The following MINPP1 variants were observed in gnomAD, a reference collection of about 807,000 sequenced individuals.
MINPP1 encodes multiple inositol-polyphosphate phosphatase 1, also known as multiple inositol polyphosphate phosphatase 1.
Under a neutral mutation model 46.1 loss-of-function variants are expected in MINPP1, and 28 were observed. That is an observed-to-expected ratio of 0.61 (90% CI 0.45 to 0.83). MINPP1 has a LOEUF of 0.83. MINPP1 is among the 40% of genes least tolerant of loss of function. The pLI is 0.00. For missense variants in MINPP1, 603 were observed against 610.0 expected, an observed-to-expected ratio of 0.99 and a Z score of 0.12; for synonymous variants, 268 against 249.1, an observed-to-expected ratio of 1.08 and a Z score of -0.72.
intron 4 of MINPP1, among the ~76,000 whole-genome samples, chr10:87,536,595 C>G (rs774527299): frequency 6.6e-6 from 1 of 152,142 alleles, no homozygotes; most frequent in Non-Finnish European, 1.5e-5. Flanking sequence ...AACACTGATA[C>G]ACTTTCTGTC....
intron 2 of MINPP1, among the ~76,000 whole-genome samples, chr10:87,510,305 A>G (rs1231852285): frequency 6.6e-6 from 1 of 152,206 alleles, no homozygotes; most frequent in East Asian, 1.9e-4. Context: ...GTAACTTACT[A>G]TTTTTACTTA....
intron 4 of MINPP1, among the ~76,000 whole-genome samples, chr10:87,544,497 G>C (rs1055283486): frequency 6.6e-6 from 1 of 152,170 alleles, no homozygotes. Flanking sequence ...TGAGGGATGG[G>C]CTTGAAAATG....
intron 4 of MINPP1, among the ~76,000 whole-genome samples, chr10:87,523,190 A>G (rs1851527301): frequency 6.6e-6 from 1 of 152,120 alleles, no homozygotes; most frequent in African/African-American, 2.4e-5. Context: ...ACCTCCTCCC[A>G]TGAATTACAA....
At position 87,505,021 on chromosome 10, in the gene MINPP1, A is replaced by G; in HGVS notation, c.106A>G (p.Arg36Gly). The change falls in exon 1 of 5, where the codon AGG becomes GGG. Residue 36 changes from arginine (R) to glycine (G), a missense_variant. Coordinates refer to ENST00000371996, the MANE Select transcript of MINPP1 (RefSeq NM_004897.5). This position sits in a 1 kb window ranked among gnomAD's most constrained non-coding sequence, Gnocchi z 4.4. ...SLARCSLLEP[R>G]DPVASSLSPY... ...TGCGCGCTGCTCTCTTCTAGAGCCGAGGGACCCGGTGGCCTCGTCGCTCAG... is the reference window on the plus strand; with the variant it reads ...TGCGCGCTGCTCTCTTCTAGAGCCGGGGGACCCGGTGGCCTCGTCGCTCAG... The G allele has an allele frequency of 6.2e-7, 1 of 1,613,060 alleles. No homozygotes were observed.
At chr10:87,539,651 A>G (rs907052730) in intron 4 of MINPP1, among the ~76,000 whole-genome samples, 3 of 152,338 alleles carry the variant, frequency 2.0e-5, no homozygotes, top group Non-Finnish European at 4.4e-5. Context: ...ACATTGTAAT[A>G]TATAGCACGG....
chr10:87,542,003 C>G (rs980118487), intron 4 of MINPP1, among the ~76,000 whole-genome samples: 1 of 152,118 alleles, frequency 6.6e-6, no homozygotes, highest in East Asian at 1.9e-4. Flanking sequence ...TCTCATATCC[C>G]CACATTTCAA....
At chr10:87,543,063 T>C (rs1851838763) in intron 4 of MINPP1, among the ~76,000 whole-genome samples, 1 of 152,174 alleles carries the variant, frequency 6.6e-6, no homozygotes, top group Non-Finnish European at 1.5e-5. Flanking sequence ...AGTGAGGATG[T>C]TATTGGGAAC....
chr10:87,515,868 G>T (rs749002974), intron 3 of MINPP1, among the ~76,000 whole-genome samples: 1 of 123,588 alleles, frequency 8.1e-6, no homozygotes, highest in African/African-American at 3.1e-5. Context: ...TTCCTCTGTC[G>T]CCCAGGCTGG....
chr10:87,524,234 A>G lies in MINPP1; in HGVS notation c.1067+3065A>G, dbSNP rs550850213. The stretch of plus-strand genomic sequence containing the variant: ...TTCTACATCAGGACTTGCTGCTTCA[A>G]CTTACATTTTTGTGTTATGGAGATA... On this transcript the variant is annotated intron_variant, in intron 4 of 4. Coordinates refer to ENST00000371996, the MANE Select transcript of MINPP1 (RefSeq NM_004897.5). Among the ~76,000 whole-genome samples, 5 of 152,314 alleles carry G rather than the reference A, an allele frequency of 3.3e-5. No individual in the cohort carries two copies. In the South Asian group the frequency reaches 1.0e-3, roughly 32 times the overall value.
In MINPP1 at chr10:87,505,069, C is replaced by G. The variant is rs757948877; in HGVS notation, c.154C>G (p.Arg52Gly). The change falls in exon 1 of 5, where the codon CGC becomes GGC. Residue 52 changes from arginine (R) to glycine (G), a missense_variant. Arg to Gly is a moderately radical substitution (Grantham distance 125). This residue lies in a region of MINPP1 where 239 missense variants were observed against 189.4 expected (regional missense o/e 1.26). Coordinates refer to ENST00000371996, the MANE Select transcript of MINPP1 (RefSeq NM_004897.5). This position sits in a 1 kb window ranked among gnomAD's most constrained non-coding sequence, Gnocchi z 4.4. ...CAGCCCCTATTTCGGCACCAAGACTCGCTACGAGGATGTCAACCCCGTGCT... is the reference window on the plus strand; with the variant it reads ...CAGCCCCTATTTCGGCACCAAGACTGGCTACGAGGATGTCAACCCCGTGCT... Reference protein sequence around the residue: ...SLSPYFGTKTRYEDVNPVLLS... With the variant: ...SLSPYFGTKTGYEDVNPVLLS... 1 of 1,613,466 alleles carries G rather than the reference C, an allele frequency of 6.2e-7. No individual in the cohort carries two copies.
intron 4 of MINPP1, among the ~76,000 whole-genome samples, chr10:87,542,741 C>T (rs1851833801): frequency 6.6e-6 from 1 of 152,230 alleles, no homozygotes; most frequent in South Asian, 2.1e-4. Context: ...GTACAGCCTG[C>T]AGAACCGTAA....
At chr10:87,547,158 C>G (rs1461493880) in intron 4 of MINPP1, among the ~76,000 whole-genome samples, 2 of 152,108 alleles carry the variant, frequency 1.3e-5, no homozygotes, top group African/African-American at 4.8e-5. Context: ...GTCACCCGGG[C>G]TAGAGTGCAG....
At chr10:87,509,778 CT>C in intron 2 of MINPP1, 3 of 281,770 alleles carry the variant, frequency 1.1e-5, no homozygotes, top group Non-Finnish European at 1.5e-5. Flanking sequence ...TTTTATGCAA[CT>C]TTTTGTTTTT....
intron 4 of MINPP1, among the ~76,000 whole-genome samples, chr10:87,543,431 G>T (rs1851844062): frequency 1.3e-5 from 2 of 152,136 alleles, no homozygotes; most frequent in Non-Finnish European, 2.9e-5. Flanking sequence ...AAGGAAGGAG[G>T]ATCACTTGGG....
intron 4 of MINPP1, among the ~76,000 whole-genome samples, chr10:87,534,309 C>A (rs1159058029): frequency 3.9e-5 from 6 of 152,108 alleles, no homozygotes; most frequent in Non-Finnish European, 8.8e-5. Context: ...CCTGCCTTGG[C>A]CTCCCACAGT....
intron 4 of MINPP1, among the ~76,000 whole-genome samples, chr10:87,544,417 CATG>C (rs2131840446): frequency 6.6e-6 from 1 of 152,306 alleles, no homozygotes; most frequent in South Asian, 2.1e-4. Context: ...ATTACTTAGA[CATG>C]ATTAATTAAA....
chr10:87,538,760 T>C (rs1413906739), intron 4 of MINPP1, among the ~76,000 whole-genome samples: 2 of 152,226 alleles, frequency 1.3e-5, no homozygotes, highest in Non-Finnish European at 2.9e-5. Context: ...GGGAATTATA[T>C]GAGTTGTGTA....
At chr10:87,537,511 T>TCTCTG (rs113605763) in intron 4 of MINPP1, among the ~76,000 whole-genome samples, 1 of 85,106 alleles carries the variant, frequency 1.2e-5, no homozygotes, top group East Asian at 2.8e-4. Flanking sequence ...TTATTACTGT[T>TCTCTG]TGTGTGTGTG....
intron 4 of MINPP1, 45 bp from the exon 5 acceptor site, chr10:87,552,037 G>T: frequency 6.9e-7 from 1 of 1,442,054 alleles, no homozygotes; most frequent in South Asian, 1.3e-5. Context: ...TATGTTCTAT[G>T]ACATTAATAT....
Sources: allele counts gnomAD v4.1 joint callset (sites outside exome capture counted in the v4.1 genomes callset), GRCh38; gene constraint gnomAD v4.1.1; regional missense constraint gnomAD v4.1.1; non-coding constraint Gnocchi (gnomAD v3.1); transcripts MANE v1.5; gene names NCBI Gene and HGNC (gene_info 2026-07-23, HGNC 2026-07-21).